BICC1: variants seen among roughly 807,000 people sequenced by gnomAD.
The protein encoded by BICC1 is protein bicaudal C homolog 1.
Under a neutral mutation model 111.0 loss-of-function variants are expected in BICC1, and 43 were observed. The observed-to-expected ratio is 0.39, with a 90% CI of 0.30 to 0.50. The LOEUF (loss-of-function observed/expected upper bound fraction) is 0.50. BICC1 is among the 20% of genes least tolerant of loss of function. The pLI is 0.88. For synonymous variants in BICC1, 467 were observed against 434.4 expected, an observed-to-expected ratio of 1.07 and a Z score of -0.93; for missense variants, 1,091 against 1,203.2, an observed-to-expected ratio of 0.91 and a Z score of 1.38.
At chr10:58,781,554 C>T (rs116066870) in intron 3 of BICC1, among the ~76,000 whole-genome samples, 2,107 of 152,200 alleles carry the variant, frequency 0.014, 42 homozygotes, top group African/African-American at 0.044. Context: ...AGAAGCTCTA[C>T]GCTTATTTCC....
chr10:58,738,470 A>T (rs899749352), intron 3 of BICC1, among the ~76,000 whole-genome samples: 5 of 152,176 alleles, frequency 3.3e-5, no homozygotes, highest in Admixed American at 3.3e-4. Context: ...TGCCAGTACC[A>T]TGCTGTTTTG....
intron 3 of BICC1, among the ~76,000 whole-genome samples, chr10:58,713,015 C>G (rs1002100250): frequency 6.6e-6 from 1 of 152,018 alleles, no homozygotes; most frequent in Non-Finnish European, 1.5e-5. Flanking sequence ...ATACTATATG[C>G]AAAGATAATA....
chr10:58,751,823 T>C (rs963356056), intron 3 of BICC1, among the ~76,000 whole-genome samples: 6 of 152,214 alleles, frequency 3.9e-5, no homozygotes, highest in African/African-American at 7.2e-5. Context: ...CATTCACATG[T>C]AGGTTTGGAA....
intron 3 of BICC1, among the ~76,000 whole-genome samples, chr10:58,718,784 G>A (rs7921816): frequency 0.96 from 145,561 of 151,284 alleles, 70,144 homozygotes; most frequent in Middle Eastern, 1. Context: ...GCGTGCGCGC[G>A]TGCGCACGCC....
Position 58,513,109 on chromosome 10 carries a change from G to T in BICC1, c.-35G>T, listed in dbSNP as rs1401799382. On this transcript the variant is annotated 5_prime_UTR_variant, in exon 1 of 21. Coordinates refer to ENST00000373886, the MANE Select transcript of BICC1 (RefSeq NM_001080512.3). ...GAGGCGGCAGCGCAGGCAGAGCGGCGGCGGCAGCGGGAGCCCGAGCGCTGC... is the reference window on the plus strand; with the variant it reads ...GAGGCGGCAGCGCAGGCAGAGCGGCTGCGGCAGCGGGAGCCCGAGCGCTGC... 7.4e-7 allele frequency: 1 copy of T among 1,356,072 alleles called. No homozygotes were observed. The highest frequency in any genetic ancestry group is 9.5e-7 in the Non-Finnish European group (1 of 1,057,228). The allele number at this position is 1,356,072 out of a possible 1,614,324, so 84.0% of individuals were successfully genotyped here.
At chr10:58,637,850 G>A (rs574135873) in intron 2 of BICC1, among the ~76,000 whole-genome samples, 1 of 152,228 alleles carries the variant, frequency 6.6e-6, no homozygotes, top group South Asian at 2.1e-4. Flanking sequence ...CAGGCATGGT[G>A]GACCAGAGGG....
intron 2 of BICC1, among the ~76,000 whole-genome samples, chr10:58,698,221 T>C (rs531790821): frequency 2.6e-5 from 4 of 152,134 alleles, no homozygotes; most frequent in Non-Finnish European, 5.9e-5. Flanking sequence ...CAAGTCAGTT[T>C]GAAGGGTATT....
intron 3 of BICC1, among the ~76,000 whole-genome samples, chr10:58,742,149 A>T (rs1841687183): frequency 4.5e-5 from 1 of 22,162 alleles, no homozygotes; most frequent in Non-Finnish European, 8.5e-5. Flanking sequence ...CAAAGTAGGC[A>T]GTTTGAAAAC....
chr10:58,736,676 C>T (rs1403473925), intron 3 of BICC1, among the ~76,000 whole-genome samples: 2 of 152,120 alleles, frequency 1.3e-5, no homozygotes, highest in Admixed American at 6.6e-5. Flanking sequence ...AAGTTATCCC[C>T]ACTCTTATTG....
intron 1 of BICC1, among the ~76,000 whole-genome samples, chr10:58,566,366 A>G (rs1843764724): frequency 1.3e-5 from 2 of 152,228 alleles, no homozygotes; most frequent in Admixed American, 6.5e-5. Flanking sequence ...ATACACACAC[A>G]TATATGTACA....
chr10:58,620,997 TGGA>T (rs1170253208), intron 2 of BICC1, 96 bp downstream of exon 2: 7 of 1,026,968 alleles, frequency 6.8e-6, no homozygotes, highest in South Asian at 3.1e-5. Flanking sequence ...CCCCTTCATG[TGGA>T]GGAGAACAGG....
intron 2 of BICC1, among the ~76,000 whole-genome samples, chr10:58,642,809 A>G (rs1429983834): frequency 6.6e-6 from 1 of 151,936 alleles, no homozygotes; most frequent in Admixed American, 6.6e-5. Flanking sequence ...GGCTTAGGCA[A>G]TTCTCCCCAC....
intron 1 of BICC1, among the ~76,000 whole-genome samples, chr10:58,523,560 A>G (rs1048302633): frequency 3.9e-4 from 59 of 152,186 alleles, no homozygotes; most frequent in African/African-American, 1.4e-3. Flanking sequence ...ATCTCAAAAT[A>G]ATAAGAGCTA....
intron 2 of BICC1, among the ~76,000 whole-genome samples, chr10:58,658,223 T>C (rs982199396): frequency 6.6e-6 from 1 of 152,200 alleles, no homozygotes. Context: ...AGTCTCAGTC[T>C]GTCACCCAGG....
intron 17 of BICC1, 139 bp downstream of exon 17, chr10:58,807,297 C>T (rs1266365291): frequency 2.7e-6 from 2 of 752,514 alleles, no homozygotes; most frequent in Non-Finnish European, 4.2e-6. Flanking sequence ...TTCTTGTAAA[C>T]ACACTGTTAT....
intron 1 of BICC1, among the ~76,000 whole-genome samples, chr10:58,614,477 AT>A (rs1469507622): frequency 1.3e-5 from 2 of 152,168 alleles, no homozygotes; most frequent in African/African-American, 4.8e-5. Flanking sequence ...AAGTCCAAAG[AT>A]TTTTGCTGCC....
intron 1 of BICC1, among the ~76,000 whole-genome samples, chr10:58,587,073 A>G (rs1367842284): frequency 6.6e-6 from 1 of 152,098 alleles, no homozygotes; most frequent in Non-Finnish European, 1.5e-5. Flanking sequence ...AGTGCCACGT[A>G]TGTCTCATAT....
intron 3 of BICC1, among the ~76,000 whole-genome samples, chr10:58,782,432 A>G (rs1451403078): frequency 6.6e-6 from 1 of 152,226 alleles, no homozygotes; most frequent in African/African-American, 2.4e-5. Flanking sequence ...TATGTGGTTC[A>G]ATCTGCTGTT....
intron 2 of BICC1, among the ~76,000 whole-genome samples, chr10:58,642,391 G>C (rs978083616): frequency 6.6e-6 from 1 of 152,074 alleles, no homozygotes; most frequent in Non-Finnish European, 1.5e-5. Context: ...TGTGTTCCAG[G>C]GTGTGGAAGA....
Sources: gnomAD v4.1 joint callset for allele counts (sites outside exome capture counted in the v4.1 genomes callset) on GRCh38, gnomAD v4.1.1 for gene constraint, MANE v1.5 for transcripts, NCBI Gene and HGNC (gene_info 2026-07-23, HGNC 2026-07-21) for gene names.